Variants in RBFOX1 observed in about 807,000 individuals in gnomAD.
RBFOX1 encodes the protein RNA binding protein fox-1 homolog 1.
Under a neutral mutation model 57.7 loss-of-function variants are expected in RBFOX1, and 8 were observed. The observed-to-expected ratio is 0.14, with a 90% CI of 0.08 to 0.25. The LOEUF (loss-of-function observed/expected upper bound fraction) is 0.25. Ranked by LOEUF, RBFOX1 falls within the 10% of genes least tolerant of loss-of-function variation. The pLI, the probability that RBFOX1 is intolerant of heterozygous loss-of-function variation, is 1.00. For missense variants in RBFOX1, 611 were observed against 548.5 expected (o/e 1.11, Z -1.14); for synonymous variants, 326 against 222.4 (o/e 1.47, Z -4.15).
chr16:6,885,100 C>G (rs2063717743), intron 3 of RBFOX1, among the ~76,000 whole-genome samples: 1 of 152,160 alleles, frequency 6.6e-6, no homozygotes, highest in South Asian at 2.1e-4. Context: ...CAAACCAGGA[C>G]TGCTCTGACT....
chr16:6,384,848 A>G (rs551001174), intron 2 of RBFOX1, among the ~76,000 whole-genome samples: 4 of 152,256 alleles, frequency 2.6e-5, no homozygotes, highest in African/African-American at 9.6e-5. Flanking sequence ...GTGATCTGGG[A>G]GGTTTCTTTT....
rs371559453 is a variant in RBFOX1, at chr16:7,016,989, T to A, written c.-15-35068T>A. On this transcript the variant is annotated intron_variant, in intron 3 of 15. Transcript: ENST00000550418. ...TAAAGGTTTCACCATTATTTTCATT[T>A]CCTGGTTGAGCGACCCTCTTTCTTT... Among the ~76,000 whole-genome samples, 28 of 152,282 alleles carry A rather than the reference T, an allele frequency of 1.8e-4. No individual in the cohort carries two copies. The East Asian group carries it at 4.5e-3, about 24-fold the overall frequency.
At chr16:5,829,080 T>C (rs748673388) in intron 3 of RBFOX1, among the ~76,000 whole-genome samples, 2 of 152,114 alleles carry the variant, frequency 1.3e-5, no homozygotes, top group Non-Finnish European at 2.9e-5. Flanking sequence ...TTCTATTCTT[T>C]AGAGGGAAGT....
At chr16:5,719,753 T>C (rs1405863450) in intron 3 of RBFOX1, among the ~76,000 whole-genome samples, 1 of 152,218 alleles carries the variant, frequency 6.6e-6, no homozygotes, top group Non-Finnish European at 1.5e-5. Context: ...CATTCCTTTT[T>C]ATTTCTGAAT....
chr16:7,289,409 C>G (rs1442814424), intron 4 of RBFOX1, among the ~76,000 whole-genome samples: 1 of 151,974 alleles, frequency 6.6e-6, no homozygotes, highest in African/African-American at 2.4e-5. Context: ...ATTACCACCA[C>G]CATTATCATC....
chr16:5,703,821 C>G (rs973636610), intron 3 of RBFOX1, among the ~76,000 whole-genome samples: 2 of 151,848 alleles, frequency 1.3e-5, no homozygotes, highest in African/African-American at 4.8e-5. Context: ...AATATGCAAC[C>G]CATGATGTAG....
intron 4 of RBFOX1, among the ~76,000 whole-genome samples, chr16:7,389,908 C>G (rs1376486710): frequency 6.6e-6 from 1 of 152,112 alleles, no homozygotes; most frequent in Non-Finnish European, 1.5e-5. Context: ...AGTCCATTCT[C>G]ATACTGTTAT....
chr16:5,311,673 T>C (rs1047402035), intron 1 of RBFOX1, among the ~76,000 whole-genome samples: 1 of 152,218 alleles, frequency 6.6e-6, no homozygotes, highest in Admixed American at 6.5e-5. Context: ...TTTTCCTATG[T>C]TTGTTGGTCA....
chr16:7,705,447 G>C (rs565154067), intron 14 of RBFOX1, among the ~76,000 whole-genome samples: 28 of 152,298 alleles, frequency 1.8e-4, no homozygotes, highest in African/African-American at 6.7e-4. Context: ...GGAGCTTGCA[G>C]TGAGCCAAGA....
chr16:5,474,685 T>C (rs2069260604), intron 2 of RBFOX1, among the ~76,000 whole-genome samples: 1 of 152,134 alleles, frequency 6.6e-6, no homozygotes, highest in South Asian at 2.1e-4. Flanking sequence ...CGGACATTTG[T>C]AAAGGTGTTC....
chr16:5,328,151 A>G (rs1320339804), intron 1 of RBFOX1, among the ~76,000 whole-genome samples: 1 of 152,126 alleles, frequency 6.6e-6, no homozygotes, highest in Non-Finnish European at 1.5e-5. Flanking sequence ...CTGCAAATTC[A>G]TATGTTGAAG....
intron 3 of RBFOX1, among the ~76,000 whole-genome samples, chr16:5,779,534 A>G (rs1372798966): frequency 6.6e-6 from 1 of 152,190 alleles, no homozygotes; most frequent in Non-Finnish European, 1.5e-5. Flanking sequence ...TACAGAATCA[A>G]ACGTCCATGT....
intron 15 of RBFOX1, chr16:7,709,557 C>T (rs1275334626): frequency 6.5e-7 from 1 of 1,531,854 alleles, no homozygotes; most frequent in Admixed American, 2.0e-5. Flanking sequence ...CAGGCCTCTG[C>T]TGTCAGGCAG....
At chr16:7,434,855 T>G (rs2098709845) in intron 4 of RBFOX1, among the ~76,000 whole-genome samples, 1 of 151,910 alleles carries the variant, frequency 6.6e-6, no homozygotes, top group Admixed American at 6.6e-5. Context: ...TTCTCTAGCC[T>G]CAGCCTCCTG....
At chr16:6,292,372 T>C (rs1409382022) in intron 1 of RBFOX1, among the ~76,000 whole-genome samples, 1 of 152,070 alleles carries the variant, frequency 6.6e-6, no homozygotes, top group African/African-American at 2.4e-5. Flanking sequence ...CCACAGATTT[T>C]TTTTTTTTTT....
chr16:5,731,634 G>C (rs1297104949), intron 3 of RBFOX1, among the ~76,000 whole-genome samples: 1 of 152,188 alleles, frequency 6.6e-6, no homozygotes, highest in East Asian at 1.9e-4. Context: ...TTAGAGGCAA[G>C]GTGATATTTT....
chr16:6,246,231 G>A lies in RBFOX1; in HGVS notation c.-126-70764G>A, dbSNP rs577087841. On this transcript the variant is annotated intron_variant, in intron 1 of 15. Coordinates refer to ENST00000550418, the MANE Select transcript of RBFOX1 (RefSeq NM_018723.4). ...AGGCTGTACCTCAAGCTTTGTGACT[G>A]GAACTGATGGCTTGGAGTTTCTGGG... Among the ~76,000 whole-genome samples the A allele has an allele frequency of 5.3e-5, 8 of 152,292 alleles. No homozygotes were observed. In the South Asian group the frequency reaches 1.7e-3, roughly 32 times the overall value.
intron 2 of RBFOX1, among the ~76,000 whole-genome samples, chr16:5,589,948 TC>T (rs2046952012): frequency 6.6e-6 from 1 of 152,158 alleles, no homozygotes; most frequent in South Asian, 2.1e-4. Context: ...TACCAGGGTC[TC>T]CCCTGTCACT....
intron 2 of RBFOX1, among the ~76,000 whole-genome samples, chr16:6,351,389 T>TTTG: frequency 7.3e-6 from 1 of 137,754 alleles, no homozygotes; most frequent in Non-Finnish European, 1.5e-5. Flanking sequence ...TTTTTTTTTC[T>TTTG]TGAGGCAGAG....
Sources: gnomAD v4.1 joint callset for allele counts (sites outside exome capture counted in the v4.1 genomes callset) on GRCh38, gnomAD v4.1.1 for gene constraint, MANE v1.5 for transcripts, NCBI Gene and HGNC (gene_info 2026-07-23, HGNC 2026-07-21) for gene names.